Variants in DPYD observed in about 807,000 individuals in gnomAD.
DPYD encodes dihydropyrimidine dehydrogenase [NADP(+)].
In DPYD, 109 loss-of-function variants were observed where a neutral mutation model predicts 116.2. The observed-to-expected ratio is 0.94, with a 90% CI of 0.80 to 1.10. The LOEUF (loss-of-function observed/expected upper bound fraction) is 1.10. Among genes scored for constraint, DPYD ranks in the 50% least tolerant of loss-of-function variants. DPYD has a pLI of 0.00. For synonymous variants in DPYD, 440 were observed against 432.0 expected (o/e 1.02, Z -0.23); for missense variants, 1,302 against 1,254.5 (o/e 1.04, Z -0.57).
intron 19 of DPYD, among the ~76,000 whole-genome samples, chr1:97,225,874 T>A (rs1661120438): frequency 6.6e-6 from 1 of 152,084 alleles, no homozygotes; most frequent in South Asian, 2.1e-4. Flanking sequence ...TTTAATTCAT[T>A]TTGAGTTTGA....
intron 8 of DPYD, among the ~76,000 whole-genome samples, chr1:97,655,624 A>T (rs1658860605): frequency 6.6e-6 from 1 of 152,256 alleles, no homozygotes. Flanking sequence ...GACAACAATA[A>T]AAGTTAAAAT....
intron 10 of DPYD, among the ~76,000 whole-genome samples, chr1:97,592,888 T>G (rs1244649151): frequency 1.3e-5 from 2 of 152,186 alleles, no homozygotes; most frequent in East Asian, 3.9e-4. Flanking sequence ...TATGCATACA[T>G]TTTGTGAAGA....
At chr1:97,729,438 A>C (rs1663462577) in intron 4 of DPYD, among the ~76,000 whole-genome samples, 2 of 152,278 alleles carry the variant, frequency 1.3e-5, no homozygotes, top group East Asian at 3.9e-4. Flanking sequence ...CAATAGATTC[A>C]GTGAACTTAG....
intron 1 of DPYD, among the ~76,000 whole-genome samples, chr1:97,904,472 A>G (rs1239765936): frequency 6.6e-6 from 1 of 151,978 alleles, no homozygotes; most frequent in African/African-American, 2.4e-5. Flanking sequence ...AAAGCAGTAG[A>G]TAGATTTACA....
intron 11 of DPYD, among the ~76,000 whole-genome samples, chr1:97,557,770 A>G (rs1651853015): frequency 6.6e-6 from 1 of 152,216 alleles, no homozygotes; most frequent in Non-Finnish European, 1.5e-5. Context: ...TTCCATTAAC[A>G]TCACTGTCAA....
At chr1:97,766,243 A>G (rs1247912087) in intron 3 of DPYD, among the ~76,000 whole-genome samples, 1 of 152,140 alleles carries the variant, frequency 6.6e-6, no homozygotes, top group East Asian at 1.9e-4. Context: ...CTCAGTCTCA[A>G]AAAAAATAAA....
At chr1:97,259,318 G>T (rs1212614205) in intron 18 of DPYD, among the ~76,000 whole-genome samples, 1 of 151,916 alleles carries the variant, frequency 6.6e-6, no homozygotes, top group Non-Finnish European at 1.5e-5. Flanking sequence ...TAAAAAGCTT[G>T]GTATACATTC....
At chr1:97,650,350 C>G (rs1369442913) in intron 8 of DPYD, among the ~76,000 whole-genome samples, 3 of 152,144 alleles carry the variant, frequency 2.0e-5, no homozygotes, top group African/African-American at 7.2e-5. Flanking sequence ...AATGTTTCCT[C>G]TTCTAATCTT....
intron 1 of DPYD, among the ~76,000 whole-genome samples, chr1:97,899,660 A>C (rs1673263795): frequency 6.6e-6 from 1 of 151,844 alleles, no homozygotes; most frequent in Non-Finnish European, 1.5e-5. Flanking sequence ...CACATGGCTT[A>C]ATTTTATAGA....
At chr1:97,289,944 G>T (rs1666017933) in intron 18 of DPYD, among the ~76,000 whole-genome samples, 2 of 151,980 alleles carry the variant, frequency 1.3e-5, no homozygotes, top group Admixed American at 6.6e-5. Context: ...AAACCCCATT[G>T]TCTCAGCCCA....
At chr1:97,689,766 T>G (rs79884288) in intron 7 of DPYD, among the ~76,000 whole-genome samples, 2 of 152,134 alleles carry the variant, frequency 1.3e-5, no homozygotes, top group South Asian at 4.1e-4. Context: ...TACCCACTTA[T>G]GGCTAAAGTT....
intron 3 of DPYD, among the ~76,000 whole-genome samples, chr1:97,793,813 T>A (rs1667435223): frequency 6.6e-6 from 1 of 152,094 alleles, no homozygotes; most frequent in African/African-American, 2.4e-5. Flanking sequence ...TAGACAAAGA[T>A]TTTTTTAGAT....
chr1:97,756,314 T>C (rs913964747), intron 3 of DPYD, among the ~76,000 whole-genome samples: 5 of 152,148 alleles, frequency 3.3e-5, no homozygotes, highest in Admixed American at 3.3e-4. Context: ...CATTACACAA[T>C]GACTTGGCAA....
intron 1 of DPYD, among the ~76,000 whole-genome samples, chr1:97,891,200 A>G (rs971040530): frequency 2.6e-5 from 4 of 151,964 alleles, no homozygotes; most frequent in Non-Finnish European, 4.4e-5. Context: ...GGAGAGTTCT[A>G]AATTGCATTT....
chr1:97,601,091 G>T (rs1300027092), intron 8 of DPYD, among the ~76,000 whole-genome samples: 1 of 151,996 alleles, frequency 6.6e-6, no homozygotes, highest in Non-Finnish European at 1.5e-5. Context: ...TTGACCTAGG[G>T]TCTAAAGAAC....
chr1:97,107,375 A>T (rs139711831), intron 20 of DPYD, among the ~76,000 whole-genome samples: 1 of 152,256 alleles, frequency 6.6e-6, no homozygotes, highest in South Asian at 2.1e-4. Flanking sequence ...GGGAAGGGTA[A>T]AATGACTTAG....
intron 13 of DPYD, among the ~76,000 whole-genome samples, chr1:97,505,525 ATATTAAGTAACATTTTAG>A (rs1420818475): frequency 6.6e-6 from 1 of 151,754 alleles, no homozygotes; most frequent in African/African-American, 2.4e-5. Context: ...AAAATATTGC[ATATTAAGTAACATTTTAG>A]TATTAAGTAA....
At position 97,801,796 on chromosome 1, in the gene DPYD, A is replaced by T. The variant is rs560565744; in HGVS notation, c.233+26318T>A. ...ATGGTTTGCCTCCTCTCCCTTATTG[A>T]AATTTCAACCATGTGCAGTAACTAT... On this transcript the variant is annotated intron_variant, in intron 3 of 22. Transcript: ENST00000370192. Among the ~76,000 whole-genome samples, 65 of 151,804 alleles carry T rather than the reference A, an allele frequency of 4.3e-4. 1 individual carries two copies. The highest frequency in any genetic ancestry group is 6.5e-4 in the Non-Finnish European group (44 of 67,868).
At chr1:97,205,607 TAATAA>T (rs1436625014) in intron 19 of DPYD, among the ~76,000 whole-genome samples, 4 of 152,150 alleles carry the variant, frequency 2.6e-5, no homozygotes, top group Non-Finnish European at 5.9e-5. Context: ...TTTTAACAGT[TAATAA>T]AATAAATAAT....
Sources: allele counts gnomAD v4.1 joint callset (sites outside exome capture counted in the v4.1 genomes callset), GRCh38; gene constraint gnomAD v4.1.1; transcripts MANE v1.5; gene names NCBI Gene and HGNC (gene_info 2026-07-23, HGNC 2026-07-21).